The following PTPN3 variants were observed in gnomAD, a reference collection of about 807,000 sequenced individuals.
PTPN3 encodes the protein tyrosine-protein phosphatase non-receptor type 3.
A neutral mutation model predicts 132.7 loss-of-function variants in PTPN3; 96 were observed. The observed-to-expected ratio is 0.72, with a 90% CI of 0.61 to 0.86. The LOEUF (loss-of-function observed/expected upper bound fraction) is 0.86. Ranked by LOEUF, PTPN3 falls within the 40% of genes least tolerant of loss-of-function variation. The pLI, the probability that PTPN3 is intolerant of heterozygous loss-of-function variation, is 0.00. For missense variants in PTPN3, 1,125 were observed against 1,159.6 expected, an observed-to-expected ratio of 0.97 and a Z score of 0.43; for synonymous variants, 398 against 429.0, an observed-to-expected ratio of 0.93 and a Z score of 0.89.
At chr9:109,437,257 C>T (rs922541552) in intron 8 of PTPN3, among the ~76,000 whole-genome samples, 1 of 152,180 alleles carries the variant, frequency 6.6e-6, no homozygotes, top group African/African-American at 2.4e-5. Flanking sequence ...GAATCCCTGC[C>T]CTAATTATTC....
chr9:109,516,837 G>A, the PTPN3 span, among the ~76,000 whole-genome samples: 1 of 152,168 alleles, frequency 6.6e-6, no homozygotes, highest in African/African-American at 2.4e-5. Context: ...GGTAGACCTG[G>A]TTACTGAAGA....
intron 17 of PTPN3, 38 bp downstream of exon 17, chr9:109,408,283 A>C: frequency 6.7e-7 from 1 of 1,481,626 alleles, no homozygotes; most frequent in Non-Finnish European, 9.1e-7. Context: ...GGGGGAAACA[A>C]ACAAACACGA....
chr9:109,402,392 C>T (rs372950098), intron 19 of PTPN3, among the ~76,000 whole-genome samples: 2 of 152,180 alleles, frequency 1.3e-5, no homozygotes, highest in South Asian at 4.2e-4. Context: ...GATTCCCCTG[C>T]CTCAGCCTCC....
chr9:109,474,621 T>TG (rs967533019), intron 1 of PTPN3, among the ~76,000 whole-genome samples: 14 of 151,974 alleles, frequency 9.2e-5, no homozygotes, highest in South Asian at 6.2e-4. Flanking sequence ...GTGCAAAGGT[T>TG]GGGGGGGAAA....
chr9:109,422,624 T>C, intron 13 of PTPN3, 94 bp downstream of exon 13: 2 of 1,379,544 alleles, frequency 1.4e-6, no homozygotes, highest in South Asian at 1.5e-5. Context: ...GTAGGTCATC[T>C]ATCTTTAGGA....
intron 5 of PTPN3, among the ~76,000 whole-genome samples, chr9:109,451,972 T>C (rs886755241): frequency 6.6e-6 from 1 of 151,960 alleles, no homozygotes; most frequent in African/African-American, 2.4e-5. Context: ...GGCAAGTTTT[T>C]AAAAAAAGGA....
the PTPN3 span, chr9:109,533,009 G>T: frequency 2.3e-6 from 1 of 428,010 alleles, no homozygotes. Context: ...AGGCTGGAGT[G>T]CAATGGCGCG....
the PTPN3 span, among the ~76,000 whole-genome samples, chr9:109,522,087 G>A: frequency 6.6e-6 from 1 of 152,196 alleles, no homozygotes; most frequent in Admixed American, 6.5e-5. Flanking sequence ...AGGAATAAAG[G>A]TGTCTTAGGT....
intron 21 of PTPN3, 121 bp from the exon 22 acceptor site, chr9:109,389,500 T>C (rs1839885726): frequency 2.0e-6 from 2 of 1,021,500 alleles, no homozygotes; most frequent in Non-Finnish European, 2.7e-6. Flanking sequence ...TCTTTATCAA[T>C]TCACAGCCAA....
At chr9:109,525,606 A>G in the PTPN3 span, among the ~76,000 whole-genome samples, 4 of 152,202 alleles carry the variant, frequency 2.6e-5, no homozygotes, top group Admixed American at 2.6e-4. Context: ...AAACAACTTC[A>G]TGGAGAATCT....
At chr9:109,442,605 A>T (rs567004654) in intron 7 of PTPN3, among the ~76,000 whole-genome samples, 6 of 152,296 alleles carry the variant, frequency 3.9e-5, no homozygotes, top group Admixed American at 3.9e-4. Flanking sequence ...TGCTTTTTAA[A>T]TTTTACTCTA....
At chr9:109,532,851 A>C in the PTPN3 span, 3 of 1,046,736 alleles carry the variant, frequency 2.9e-6, no homozygotes, top group Non-Finnish European at 3.7e-6. Flanking sequence ...CGCCCTGCTT[A>C]GCCTCGGGAG....
At chr9:109,496,870 T>C (rs1588516843) in intron 1 of PTPN3, among the ~76,000 whole-genome samples, 1 of 152,132 alleles carries the variant, frequency 6.6e-6, no homozygotes, top group African/African-American at 2.4e-5. Context: ...AAACCCTAAA[T>C]GTCAATAGTG....
chr9:109,406,793 A>G (rs537665516), intron 17 of PTPN3, among the ~76,000 whole-genome samples, 175 bp from the exon 18 acceptor site: 1 of 152,338 alleles, frequency 6.6e-6, no homozygotes, highest in Admixed American at 6.5e-5. Flanking sequence ...GACATGGTAG[A>G]TGGTTGTAAG....
chr9:109,510,757 T>G, the PTPN3 span, among the ~76,000 whole-genome samples: 6 of 151,482 alleles, frequency 4.0e-5, no homozygotes, highest in African/African-American at 1.2e-4. Context: ...ATCACTGCAT[T>G]ATTTTAAGAT....
intron 12 of PTPN3, 34 bp downstream of exon 12, chr9:109,426,916 C>A: frequency 6.4e-7 from 1 of 1,568,046 alleles, no homozygotes; most frequent in South Asian, 1.1e-5. Flanking sequence ...TACATCTCAG[C>A]CTAGTGTGGA....
chr9:109,435,646 C>T (rs995820508), intron 9 of PTPN3, among the ~76,000 whole-genome samples: 1 of 152,198 alleles, frequency 6.6e-6, no homozygotes, highest in Non-Finnish European at 1.5e-5. Context: ...GTCTTTGCCA[C>T]GCAGATATCA....
At chr9:109,446,160 C>T (rs1844841988) in intron 6 of PTPN3, among the ~76,000 whole-genome samples, 1 of 152,156 alleles carries the variant, frequency 6.6e-6, no homozygotes, top group African/African-American at 2.4e-5. Context: ...GGAAGAAGGG[C>T]TTGAAGGGTG....
the PTPN3 span, among the ~76,000 whole-genome samples, chr9:109,504,416 G>A: frequency 6.6e-6 from 1 of 152,284 alleles, no homozygotes; most frequent in South Asian, 2.1e-4. Context: ...CTTTCCCTTG[G>A]GGTGGTCAGT....
Sources: allele counts gnomAD v4.1 joint callset (sites outside exome capture counted in the v4.1 genomes callset), GRCh38; gene constraint gnomAD v4.1.1; transcripts MANE v1.5; gene names NCBI Gene and HGNC (gene_info 2026-07-23, HGNC 2026-07-21).